The following TRIM44 variants were observed in gnomAD, a reference collection of about 807,000 sequenced individuals.
The protein encoded by TRIM44 is tripartite motif-containing protein 44.
A neutral mutation model predicts 37.4 loss-of-function variants in TRIM44; 13 were observed. The observed-to-expected ratio is 0.35, with a 90% CI of 0.23 to 0.55. The LOEUF (loss-of-function observed/expected upper bound fraction) is 0.55, where lower values mean the gene tolerates loss of function less well. Among genes scored for constraint, TRIM44 ranks in the 20% least tolerant of loss-of-function variants. The pLI is 0.89. For missense variants in TRIM44, 426 were observed against 437.2 expected (o/e 0.97, Z 0.23); for synonymous variants, 175 against 157.2 (o/e 1.11, Z -0.85).
intron 4 of TRIM44, among the ~76,000 whole-genome samples, chr11:35,799,240 A>G (rs1271820196): frequency 1.3e-5 from 2 of 152,262 alleles, no homozygotes; most frequent in Non-Finnish European, 2.9e-5. Context: ...GCCAAGTGCA[A>G]GAAAGGTAGC....
chr11:35,780,712 G>A (rs1342976446), intron 4 of TRIM44, among the ~76,000 whole-genome samples: 1 of 152,060 alleles, frequency 6.6e-6, no homozygotes, highest in Non-Finnish European at 1.5e-5. Context: ...GCATCTCAAA[G>A]CCATCCCCAT....
intron 2 of TRIM44, among the ~76,000 whole-genome samples, chr11:35,700,136 T>C (rs1185370044): frequency 1.3e-5 from 2 of 152,188 alleles, no homozygotes; most frequent in African/African-American, 4.8e-5. Flanking sequence ...GAGCCTGCAT[T>C]GCCAAGTTTC....
intron 4 of TRIM44, among the ~76,000 whole-genome samples, chr11:35,736,830 G>C (rs1315736879): frequency 1.3e-5 from 2 of 152,096 alleles, no homozygotes; most frequent in African/African-American, 4.8e-5. Context: ...CTTTGTTGTG[G>C]TTCTTTTCCT....
intron 1 of TRIM44, among the ~76,000 whole-genome samples, chr11:35,666,364 C>T (rs1851332438): frequency 1.3e-5 from 2 of 152,000 alleles, no homozygotes; most frequent in South Asian, 2.1e-4. Flanking sequence ...AGTGTGTTGG[C>T]CAGTTTTGGC....
intron 4 of TRIM44, among the ~76,000 whole-genome samples, chr11:35,800,643 A>C (rs1178069287): frequency 6.6e-6 from 1 of 152,196 alleles, no homozygotes; most frequent in Non-Finnish European, 1.5e-5. Context: ...ACCGGGCATC[A>C]ACCCAGTATT....
chr11:35,713,362 A>G (rs3112060), intron 2 of TRIM44, among the ~76,000 whole-genome samples: 4,103 of 152,324 alleles, frequency 0.027, 136 homozygotes, highest in African/African-American at 0.078. Context: ...TCACGAGGCT[A>G]AAGATGCTAG....
intron 4 of TRIM44, among the ~76,000 whole-genome samples, chr11:35,754,492 C>A (rs1309044089): frequency 6.6e-6 from 1 of 151,990 alleles, no homozygotes; most frequent in Non-Finnish European, 1.5e-5. Context: ...ATCCTTCAAT[C>A]TTTATAGTTT....
Position 35,806,455 on chromosome 11 carries a change from T to G in TRIM44, c.*70T>G. 2 of 1,549,488 alleles carry G rather than the reference T, an allele frequency of 1.3e-6. No homozygotes were observed. Among genetic ancestry groups the G allele is most frequent in the Non-Finnish European group, 1.8e-6 (2 of 1,122,352 alleles). On this transcript the variant is annotated 3_prime_UTR_variant, in exon 5 of 5. Transcript: ENST00000299413. ...TATGTGACAGCGTGTATGTAACGGC[T>G]TCTGATTTCTGTGAAAGCTGCTCAG...
At chr11:35,794,066 C>T (rs1469233119) in intron 4 of TRIM44, among the ~76,000 whole-genome samples, 2 of 152,186 alleles carry the variant, frequency 1.3e-5, no homozygotes, top group Non-Finnish European at 2.9e-5. Context: ...ACTGCTAATG[C>T]ATGCTGGAAT....
At chr11:35,717,508 A>T (rs751086188) in intron 2 of TRIM44, among the ~76,000 whole-genome samples, 1 of 152,064 alleles carries the variant, frequency 6.6e-6, no homozygotes, top group African/African-American at 2.4e-5. Context: ...ATCCTTAAAA[A>T]ACCCCAGTCC....
At chr11:35,675,267 G>A (rs1186696257) in intron 1 of TRIM44, among the ~76,000 whole-genome samples, 1 of 152,212 alleles carries the variant, frequency 6.6e-6, no homozygotes, top group Non-Finnish European at 1.5e-5. Flanking sequence ...TTGTAGATCA[G>A]TGTTTACATT....
chr11:35,705,467 C>A (rs1590525232), intron 2 of TRIM44, among the ~76,000 whole-genome samples: 2 of 152,192 alleles, frequency 1.3e-5, no homozygotes, highest in East Asian at 3.8e-4. Context: ...ACATTCTTTT[C>A]AGCACCACAC....
intron 4 of TRIM44, among the ~76,000 whole-genome samples, chr11:35,763,581 C>A (rs1308403836): frequency 1.3e-5 from 2 of 152,154 alleles, no homozygotes; most frequent in African/African-American, 4.8e-5. Context: ...GATGTGGTCC[C>A]TAAGGTTCCT....
intron 2 of TRIM44, among the ~76,000 whole-genome samples, chr11:35,696,110 T>C (rs965936981): frequency 1.3e-5 from 2 of 152,020 alleles, no homozygotes; most frequent in African/African-American, 4.8e-5. Context: ...CCGTAAGTCA[T>C]TCATTTAGCC....
intron 2 of TRIM44, among the ~76,000 whole-genome samples, chr11:35,701,135 A>AGG (rs1199152010): frequency 6.6e-6 from 1 of 152,188 alleles, no homozygotes; most frequent in African/African-American, 2.4e-5. Context: ...AGGCAAAACA[A>AGG]GTCCCCCAAA....
chr11:35,735,977 T>G (rs1332503681), intron 4 of TRIM44, among the ~76,000 whole-genome samples: 1 of 152,190 alleles, frequency 6.6e-6, no homozygotes, highest in East Asian at 1.9e-4. Flanking sequence ...TGAATGCAGT[T>G]TAGAAGTGCA....
rs943409563 is a variant in TRIM44, at chr11:35,812,346, T to C, written c.*5961T>C. The C allele has an allele frequency of 2.0e-5, 3 of 152,152 alleles. No homozygotes were observed. The highest frequency in any genetic ancestry group is 7.2e-5 in the African/African-American group (3 of 41,442). The allele number at this position is 152,152 out of a possible 1,614,324, so 9.4% of individuals were successfully genotyped here. ...AATAGAAACAAAAGCAAAAGACTGCTTGAAGTCAGTAACAGACTGCACTAA... is the reference window on the plus strand; with the variant it reads ...AATAGAAACAAAAGCAAAAGACTGCCTGAAGTCAGTAACAGACTGCACTAA... On this transcript the variant is annotated 3_prime_UTR_variant, in exon 5 of 5. Transcript: ENST00000299413.
At chr11:35,706,530 C>T (rs1371787661) in intron 2 of TRIM44, among the ~76,000 whole-genome samples, 6 of 152,078 alleles carry the variant, frequency 3.9e-5, no homozygotes, top group African/African-American at 7.2e-5. Flanking sequence ...ACTGGCAAAC[C>T]GAATCCAGCA....
chr11:35,744,717 C>T (rs951737613), intron 4 of TRIM44, among the ~76,000 whole-genome samples: 9 of 152,124 alleles, frequency 5.9e-5, no homozygotes, highest in Non-Finnish European at 2.9e-5. Context: ...TGCTCTTCTT[C>T]CTCCCACACC....
Sources: gnomAD v4.1 joint callset for allele counts (sites outside exome capture counted in the v4.1 genomes callset) on GRCh38, gnomAD v4.1.1 for gene constraint, MANE v1.5 for transcripts, NCBI Gene and HGNC (gene_info 2026-07-23, HGNC 2026-07-21) for gene names.